Variants in SLC14A2 observed in about 807,000 individuals in gnomAD.
SLC14A2 encodes the protein solute carrier family 14 member 2.
A neutral mutation model predicts 104.6 loss-of-function variants in SLC14A2; 91 were observed. The observed-to-expected ratio is 0.87, with a 90% confidence interval of 0.73 to 1.04. The LOEUF is 1.04. Ranked by LOEUF, SLC14A2 falls within the 50% of genes least tolerant of loss-of-function variation. The pLI is 0.00. For synonymous variants in SLC14A2, 476 were observed against 466.4 expected, an observed-to-expected ratio of 1.02 and a Z score of -0.27; for missense variants, 1,189 against 1,156.0, an observed-to-expected ratio of 1.03 and a Z score of -0.41.
At chr18:45,317,706 C>T (rs1285715699) in intron 1 of SLC14A2, among the ~76,000 whole-genome samples, 2 of 152,336 alleles carry the variant, frequency 1.3e-5, no homozygotes, top group South Asian at 2.1e-4. Context: ...CTGTGTTCCC[C>T]AGCTTTTGCC....
intron 10 of SLC14A2, among the ~76,000 whole-genome samples, chr18:45,648,195 CTTTTTTT>C (rs59843067): frequency 2.0e-5 from 2 of 101,246 alleles, no homozygotes; most frequent in Admixed American, 1.1e-4. Flanking sequence ...CTAGTTAATG[CTTTTTTT>C]TTTTTTTTTT....
At chr18:45,381,946 G>A (rs1328002752) in intron 1 of SLC14A2, among the ~76,000 whole-genome samples, 3 of 151,974 alleles carry the variant, frequency 2.0e-5, no homozygotes, top group Non-Finnish European at 4.4e-5. Context: ...CAATGGGCTG[G>A]GCTGAAAAAC....
intron 2 of SLC14A2, among the ~76,000 whole-genome samples, chr18:45,506,947 C>A (rs145485714): frequency 2.6e-5 from 4 of 152,308 alleles, no homozygotes; most frequent in African/African-American, 7.2e-5. Flanking sequence ...TGACTTACCC[C>A]CTCCTCAAGG....
chr18:45,262,302 A>G (rs1254271889), intron 1 of SLC14A2, among the ~76,000 whole-genome samples: 1 of 152,198 alleles, frequency 6.6e-6, no homozygotes, highest in Non-Finnish European at 1.5e-5. Context: ...ACAGCTGGTC[A>G]GCAGTGGAAT....
chr18:45,276,765 T>G (rs1338531817), intron 1 of SLC14A2, among the ~76,000 whole-genome samples: 1 of 152,226 alleles, frequency 6.6e-6, no homozygotes, highest in Non-Finnish European at 1.5e-5. Context: ...TTTATTGGTC[T>G]GCAACCTCCA....
At chr18:45,343,212 C>T (rs75268913) in intron 1 of SLC14A2, among the ~76,000 whole-genome samples, 2,038 of 150,570 alleles carry the variant, frequency 0.014, 39 homozygotes, top group African/African-American at 0.042. Context: ...CTCAAAGTTA[C>T]CTTCATTTAT....
intron 1 of SLC14A2, among the ~76,000 whole-genome samples, chr18:45,270,186 G>A (rs959237043): frequency 1.3e-5 from 2 of 152,134 alleles, no homozygotes; most frequent in South Asian, 4.1e-4. Context: ...GACCCTACTT[G>A]CCCTTAGCAA....
intron 1 of SLC14A2, among the ~76,000 whole-genome samples, chr18:45,418,325 G>A (rs2086300499): frequency 1.3e-5 from 2 of 152,154 alleles, no homozygotes; most frequent in Non-Finnish European, 1.5e-5. Flanking sequence ...CTTGTGAGTG[G>A]CACAGAAGTG....
intron 1 of SLC14A2, among the ~76,000 whole-genome samples, chr18:45,311,253 G>A (rs900141402): frequency 5.9e-5 from 9 of 152,144 alleles, no homozygotes; most frequent in Non-Finnish European, 1.5e-5. Flanking sequence ...AATGCTGAGC[G>A]ACATCACTGA....
At chr18:45,459,096 G>A (rs988064802) in intron 1 of SLC14A2, among the ~76,000 whole-genome samples, 2 of 152,170 alleles carry the variant, frequency 1.3e-5, no homozygotes, top group Non-Finnish European at 2.9e-5. Context: ...CTGCTGAGTA[G>A]TTCCATAAGA....
intron 1 of SLC14A2, among the ~76,000 whole-genome samples, chr18:45,248,363 G>A (rs2084387869): frequency 6.6e-6 from 1 of 152,112 alleles, no homozygotes; most frequent in Non-Finnish European, 1.5e-5. Context: ...GCCTGTCTGA[G>A]GTTCATGAAA....
intron 1 of SLC14A2, among the ~76,000 whole-genome samples, chr18:45,443,293 G>T (rs1280349742): frequency 1.3e-5 from 2 of 152,340 alleles, no homozygotes; most frequent in Non-Finnish European, 2.9e-5. Context: ...ACCCAAAGAT[G>T]CAGGGAAAAC....
chr18:45,566,586 G>A (rs1225989591), intron 2 of SLC14A2, among the ~76,000 whole-genome samples: 2 of 151,726 alleles, frequency 1.3e-5, no homozygotes, highest in Non-Finnish European at 1.5e-5. Context: ...TCCCAACTCA[G>A]CCCAAATTCC....
Position 45,624,655 on chromosome 18 carries a change from A to C in SLC14A2, c.-10A>C. The C allele has an allele frequency of 6.2e-7, 1 of 1,607,304 alleles. No individual in the cohort carries two copies. ...GTCCATCGATAGAAGAGTGGCTGTG[A>C]CCCGAAGGAATGTCTGACCCCCACA... On this transcript the variant is annotated 5_prime_UTR_variant, in exon 2 of 20. Coordinates refer to ENST00000255226, the MANE Select transcript of SLC14A2 (RefSeq NM_007163.4).
chr18:45,265,200 G>C (rs187255687), intron 1 of SLC14A2, among the ~76,000 whole-genome samples: 67 of 152,300 alleles, frequency 4.4e-4, no homozygotes, highest in African/African-American at 1.6e-3. Flanking sequence ...GTCAGAGTAA[G>C]GCTATGACAA....
At chr18:45,611,490 C>T (rs772188812), upstream of SLC14A2, among the ~76,000 whole-genome samples, 33 of 152,310 alleles carry the variant, frequency 2.2e-4, no homozygotes, top group Admixed American at 4.6e-4. Context: ...GGTCTACATA[C>T]CAGCCCAGCT....
chr18:45,423,448 ATGT>A (rs1267334236), intron 1 of SLC14A2, among the ~76,000 whole-genome samples: 2 of 152,148 alleles, frequency 1.3e-5, no homozygotes, highest in Non-Finnish European at 2.9e-5. Context: ...GTGGCCAGTA[ATGT>A]TGTAAAATGC....
Position 45,627,322 on chromosome 18 carries a change from G to A in SLC14A2, c.521+175G>A, listed in dbSNP as rs142098388. Among the ~76,000 whole-genome samples, 23 of 152,328 alleles carry A rather than the reference G, an allele frequency of 1.5e-4. No homozygotes were observed. In the East Asian group the frequency reaches 4.1e-3, roughly 27 times the overall value. ...ATTACACTGCTCCTGCTCACAGCAT[G>A]TGACAGTGTCAACATTCATTTGACT... On this transcript the variant is annotated intron_variant, in intron 4 of 19. Transcript: ENST00000255226.
At chr18:45,568,376 C>G (rs892095340) in intron 2 of SLC14A2, among the ~76,000 whole-genome samples, 5 of 152,226 alleles carry the variant, frequency 3.3e-5, no homozygotes, top group Non-Finnish European at 7.3e-5. Flanking sequence ...AAGCAGAGGG[C>G]TGCTCTCTCC....
Sources: gnomAD v4.1 joint callset for allele counts (sites outside exome capture counted in the v4.1 genomes callset) on GRCh38, gnomAD v4.1.1 for gene constraint, MANE v1.5 for transcripts, NCBI Gene and HGNC (gene_info 2026-07-23, HGNC 2026-07-21) for gene names.